The following PRKG1 variants were observed in gnomAD, a reference collection of about 807,000 sequenced individuals.
PRKG1 encodes the protein cGMP-dependent protein kinase 1.
PRKG1 carries 35 observed loss-of-function variants against 88.1 expected under a neutral mutation model. That is an observed-to-expected ratio of 0.40 (90% CI 0.30 to 0.53). The LOEUF (loss-of-function observed/expected upper bound fraction) is 0.53. Among genes scored for constraint, PRKG1 ranks in the 20% least tolerant of loss-of-function variants. The pLI, the probability that PRKG1 is intolerant of heterozygous loss-of-function variation, is 0.59. For missense variants in PRKG1, 540 were observed against 839.8 expected (o/e 0.64, Z 4.41); for synonymous variants, 303 against 292.5 (o/e 1.04, Z -0.37).
At chr10:51,222,708 A>G (rs962375281) in intron 2 of PRKG1, among the ~76,000 whole-genome samples, 2 of 152,000 alleles carry the variant, frequency 1.3e-5, no homozygotes, top group Non-Finnish European at 2.9e-5. Flanking sequence ...GGTAGTTTAT[A>G]TTTCTTTATA....
At chr10:51,633,629 C>T (rs534835643) in intron 3 of PRKG1, among the ~76,000 whole-genome samples, 1 of 152,252 alleles carries the variant, frequency 6.6e-6, no homozygotes. Flanking sequence ...TTGGTGTGGT[C>T]TGTGGCAAAA....
chr10:51,937,299 A>G (rs1842817655), intron 5 of PRKG1, among the ~76,000 whole-genome samples: 1 of 152,060 alleles, frequency 6.6e-6, no homozygotes, highest in African/African-American at 2.4e-5. Flanking sequence ...TTAGGAGGAA[A>G]GTCATTAAAT....
rs574292216 is a variant in PRKG1 at position 52,213,301 on chromosome 10, A to G, written c.1077-38269A>G. ...GTGTTCAAATGTGAAGAAAATCAGGAAACATCTCACCTGAATCTGTTTGGT... is the reference window on the plus strand; with the variant it reads ...GTGTTCAAATGTGAAGAAAATCAGGGAACATCTCACCTGAATCTGTTTGGT... On this transcript the variant is annotated intron_variant, in intron 9 of 17. Coordinates refer to ENST00000373980, the MANE Select transcript of PRKG1 (RefSeq NM_006258.4). Among the ~76,000 whole-genome samples the G allele has an allele frequency of 2.6e-5, 4 of 152,354 alleles. No individual in the cohort carries two copies. The East Asian group carries it at 7.7e-4, about 29-fold the overall frequency.
intron 5 of PRKG1, among the ~76,000 whole-genome samples, chr10:51,955,048 T>TTGTG (rs68150426): frequency 1.3e-5 from 2 of 151,652 alleles, no homozygotes; most frequent in Admixed American, 1.3e-4. Context: ...TTTTCAGGTT[T>TTGTG]TGTGTGTGTG....
chr10:51,228,130 G>T (rs1838741423), intron 2 of PRKG1, among the ~76,000 whole-genome samples: 1 of 151,736 alleles, frequency 6.6e-6, no homozygotes, highest in African/African-American at 2.4e-5. Context: ...CTTTGGCACA[G>T]AAGCTAGCAT....
intron 2 of PRKG1, among the ~76,000 whole-genome samples, chr10:51,153,942 A>G (rs1219688281): frequency 6.6e-6 from 1 of 152,046 alleles, no homozygotes; most frequent in East Asian, 1.9e-4. Context: ...AATTTTTCAT[A>G]ATACTTCTTT....
intron 3 of PRKG1, among the ~76,000 whole-genome samples, chr10:51,671,586 C>CT (rs1302929023): frequency 6.7e-6 from 1 of 149,716 alleles, no homozygotes; most frequent in Non-Finnish European, 1.5e-5. Context: ...CTCTCTCTCT[C>CT]TCTCTTTTTT....
chr10:51,768,737 A>T (rs1838232528), intron 3 of PRKG1, among the ~76,000 whole-genome samples: 1 of 152,184 alleles, frequency 6.6e-6, no homozygotes, highest in African/African-American at 2.4e-5. Flanking sequence ...AAAAGATGGT[A>T]TGAGATTTAA....
chr10:51,335,955 T>C (rs913104114), intron 2 of PRKG1, among the ~76,000 whole-genome samples: 3 of 152,246 alleles, frequency 2.0e-5, no homozygotes, highest in Admixed American at 6.5e-5. Context: ...ATCATGGTTA[T>C]AAATGGTGAT....
At chr10:51,553,777 T>A (rs1475189071) in intron 3 of PRKG1, among the ~76,000 whole-genome samples, 12 of 131,692 alleles carry the variant, frequency 9.1e-5, no homozygotes, top group Non-Finnish European at 2.0e-4. Context: ...ATATAATATA[T>A]GTATATATTA....
chr10:51,490,745 C>CCT lies in PRKG1; in HGVS notation c.592+22909_592+22910insCT, dbSNP rs569735441. ...AGGTGCAGAGAGATATGAGCTCTCA[C>CCT]ATATTCTTGGTGTGAATATAAGGTG... On this transcript the variant is annotated intron_variant, in intron 3 of 17. Transcript: ENST00000373980. 5.0e-3 allele frequency among the ~76,000 whole-genome samples: 753 copies of CCT among 152,094 alleles called. 4 individuals are homozygous for CCT. Among genetic ancestry groups the CCT allele is most frequent in the African/African-American group, 0.017 (726 of 41,522 alleles).
intron 8 of PRKG1, among the ~76,000 whole-genome samples, chr10:52,145,078 T>C (rs1283186429): frequency 1.3e-5 from 2 of 152,212 alleles, no homozygotes; most frequent in African/African-American, 4.8e-5. Flanking sequence ...AGTCAGCAGA[T>C]GTCCATTGGC....
chr10:51,941,667 T>C lies in PRKG1; in HGVS notation c.762+34097T>C, dbSNP rs1262502276. The stretch of plus-strand genomic sequence containing the variant: ...CCCGTCCTGTGTCCATCTGTTCTCA[T>C]TGTTCAATTCCCACCTATGAATAAG... On this transcript the variant is annotated intron_variant, in intron 5 of 17. Transcript: ENST00000373980. Among the ~76,000 whole-genome samples the C allele has an allele frequency of 2.1e-5, 3 of 146,088 alleles. No homozygotes were observed. In the East Asian group the frequency reaches 6.3e-4, roughly 31 times the overall value.
intron 4 of PRKG1, among the ~76,000 whole-genome samples, chr10:51,832,975 G>T (rs1312895553): frequency 6.6e-6 from 1 of 152,178 alleles, no homozygotes; most frequent in Non-Finnish European, 1.5e-5. Context: ...CCTGGTTAAT[G>T]TCGATTACAG....
At chr10:51,558,811 C>A (rs114714580) in intron 3 of PRKG1, among the ~76,000 whole-genome samples, 1 of 152,052 alleles carries the variant, frequency 6.6e-6, no homozygotes, top group South Asian at 2.1e-4. Context: ...AGATAAAAAT[C>A]TCTGTCTTGT....
At chr10:51,205,127 C>CTTTTTTTTTTT (rs58176913) in intron 2 of PRKG1, among the ~76,000 whole-genome samples, 1,369 of 63,824 alleles carry the variant, frequency 0.021, 68 homozygotes, top group Non-Finnish European at 0.031. Context: ...ATTTTCTTTT[C>CTTTTTTTTTTT]TTTTTTTTTT....
At chr10:51,572,129 A>G (rs1837772680) in intron 3 of PRKG1, among the ~76,000 whole-genome samples, 1 of 151,996 alleles carries the variant, frequency 6.6e-6, no homozygotes, top group East Asian at 1.9e-4. Flanking sequence ...TGCTTTATTG[A>G]TGGTTCCATT....
At chr10:51,939,222 T>A (rs911793108) in intron 5 of PRKG1, among the ~76,000 whole-genome samples, 2 of 152,016 alleles carry the variant, frequency 1.3e-5, no homozygotes, top group East Asian at 1.9e-4. Context: ...TTTTTTAGAA[T>A]CTAAACTTAT....
At chr10:51,104,334 A>G (rs1398712772) in intron 1 of PRKG1, among the ~76,000 whole-genome samples, 1 of 152,210 alleles carries the variant, frequency 6.6e-6, no homozygotes, top group African/African-American at 2.4e-5. Flanking sequence ...GACTCTTTGT[A>G]CAATCTTCAC....
Sources: gnomAD v4.1 joint callset for allele counts (sites outside exome capture counted in the v4.1 genomes callset) on GRCh38, gnomAD v4.1.1 for gene constraint, MANE v1.5 for transcripts, NCBI Gene and HGNC (gene_info 2026-07-23, HGNC 2026-07-21) for gene names.